KIAA0513: variants seen among roughly 807,000 people sequenced by gnomAD.
KIAA0513 encodes the protein uncharacterized protein KIAA0513.
KIAA0513 carries 39 observed loss-of-function variants against 56.5 expected under a neutral mutation model. The observed-to-expected ratio is 0.69, with a 90% CI of 0.53 to 0.90. KIAA0513 has a LOEUF of 0.90. KIAA0513 is among the 40% of genes least tolerant of loss of function. KIAA0513 has a pLI of 0.00. For synonymous variants in KIAA0513, 268 were observed against 215.6 expected (o/e 1.24, Z -2.13); for missense variants, 591 against 535.2 (o/e 1.10, Z -1.03).
intron 7 of KIAA0513, 71 bp downstream of exon 7, chr16:85,078,526 C>T (rs1056748419): frequency 2.2e-5 from 32 of 1,476,458 alleles, no homozygotes; most frequent in African/African-American, 1.4e-4. Context: ...AGCAGGTGCA[C>T]GGCCTCTGGG....
intron 1 of KIAA0513, among the ~76,000 whole-genome samples, chr16:85,047,160 C>T (rs2073182527): frequency 6.6e-6 from 1 of 152,212 alleles, no homozygotes; most frequent in Non-Finnish European, 1.5e-5. Flanking sequence ...TGCCGTTTTC[C>T]AAGCCTTTGT....
chr16:85,056,311 C>G (rs943619766), intron 1 of KIAA0513, among the ~76,000 whole-genome samples: 5 of 152,218 alleles, frequency 3.3e-5, no homozygotes, highest in Admixed American at 1.3e-4. Flanking sequence ...TCCGAGGCCC[C>G]CTCTCAACAC....
At chr16:85,083,265 A>G (rs566346994) in intron 10 of KIAA0513, among the ~76,000 whole-genome samples, 24 of 152,222 alleles carry the variant, frequency 1.6e-4, no homozygotes, top group African/African-American at 5.8e-4. Flanking sequence ...GTGGGCTCGA[A>G]TCCTTTGTGA....
intron 5 of KIAA0513, 52 bp from the exon 6 acceptor site, chr16:85,077,373 A>C (rs1191317853): frequency 6.4e-6 from 10 of 1,556,986 alleles, no homozygotes; most frequent in Non-Finnish European, 7.0e-6. Context: ...TGCAGTTAGC[A>C]GGCGCATACC....
intron 1 of KIAA0513, among the ~76,000 whole-genome samples, chr16:85,059,079 A>G (rs41337248): frequency 3.9e-5 from 6 of 152,124 alleles, no homozygotes; most frequent in Non-Finnish European, 7.3e-5. Context: ...AGGACATTGA[A>G]ATTTCCTGTG....
intron 1 of KIAA0513, among the ~76,000 whole-genome samples, chr16:85,045,117 C>G (rs1404727770): frequency 2.0e-5 from 3 of 150,812 alleles, no homozygotes; most frequent in Non-Finnish European, 4.4e-5. Context: ...GACTCCGTCT[C>G]TAAATAAATA....
chr16:85,042,414 C>T (rs932097932), intron 1 of KIAA0513, among the ~76,000 whole-genome samples: 6 of 152,114 alleles, frequency 3.9e-5, no homozygotes, highest in Non-Finnish European at 7.3e-5. Flanking sequence ...CTTATTCATC[C>T]CCCAGATGAG....
rs761840524 is a variant in KIAA0513 at position 85,081,304 on chromosome 16, C to G, written c.903-11C>G. The G allele has an allele frequency of 3.1e-6, 5 of 1,613,222 alleles. No homozygotes were observed. Among genetic ancestry groups the G allele is most frequent in the Admixed American group, 1.7e-5 (1 of 59,960 alleles). On this transcript the variant is annotated splice_polypyrimidine_tract_variant and intron_variant, in intron 8 of 12. Coordinates refer to ENST00000683363, the MANE Select transcript of KIAA0513 (RefSeq NM_001388359.1). The surrounding 1 kb of genome is among the most constrained non-coding windows in gnomAD (Gnocchi z 4.4). ...CCTTGGAGAGAGTGTGACTGGGGCT[C>G]TGTCTTGCAGGCACACTCTGAGGTT...
At chr16:85,068,551 C>G (rs2073524312) in intron 2 of KIAA0513, among the ~76,000 whole-genome samples, 1 of 152,036 alleles carries the variant, frequency 6.6e-6, no homozygotes, top group African/African-American at 2.4e-5. Flanking sequence ...CCAGGATGGT[C>G]TCGATCTCCT....
At chr16:85,058,499 A>T (rs926228302) in intron 1 of KIAA0513, among the ~76,000 whole-genome samples, 3 of 152,126 alleles carry the variant, frequency 2.0e-5, no homozygotes, top group African/African-American at 7.2e-5. Flanking sequence ...CTAAAAGTAC[A>T]AAATTAGCCG....
intron 10 of KIAA0513, 146 bp from the exon 11 acceptor site, chr16:85,086,498 G>C (rs967934237): frequency 1.3e-6 from 1 of 743,666 alleles, no homozygotes; most frequent in African/African-American, 1.7e-5. Context: ...CCCAGCACAC[G>C]GCTCTCCGGT....
At chr16:85,059,885 A>G (rs989407481) in intron 1 of KIAA0513, among the ~76,000 whole-genome samples, 2 of 152,166 alleles carry the variant, frequency 1.3e-5, no homozygotes, top group African/African-American at 4.8e-5. Context: ...GAAAAGAGCA[A>G]TTCTCCTTCA....
intron 1 of KIAA0513, among the ~76,000 whole-genome samples, chr16:85,046,316 C>G (rs537672705): frequency 2.0e-5 from 3 of 152,310 alleles, no homozygotes; most frequent in Admixed American, 1.3e-4. Context: ...GGAGTGCTTT[C>G]TACATGCCCA....
At chr16:85,045,600 C>A (rs1216861315) in intron 1 of KIAA0513, among the ~76,000 whole-genome samples, 1 of 152,216 alleles carries the variant, frequency 6.6e-6, no homozygotes, top group Non-Finnish European at 1.5e-5. Flanking sequence ...AAATGATCCA[C>A]CTGCCTCGGC....
intron 6 of KIAA0513, 147 bp downstream of exon 6, chr16:85,077,779 C>G (rs1452129881): frequency 9.1e-6 from 6 of 658,916 alleles, no homozygotes; most frequent in Non-Finnish European, 1.3e-5. Flanking sequence ...GCCCCCACGG[C>G]TTGCTATGGT....
Position 85,066,887 on chromosome 16 carries a change from G to C in KIAA0513, c.-172-13G>C. ...GAGTGGCGCTAATGTCTGTGTCTGT[G>C]TTTCCATTCTAGATGCCGTAGGGCC... On this transcript the variant is annotated splice_polypyrimidine_tract_variant and intron_variant, in intron 1 of 12. Coordinates refer to ENST00000683363, the MANE Select transcript of KIAA0513 (RefSeq NM_001388359.1). 1.9e-6 allele frequency: 1 copy of C among 527,910 alleles called. No individual in the cohort carries two copies. The highest frequency in any genetic ancestry group is 3.3e-6 in the Non-Finnish European group (1 of 299,308). The allele number at this position is 527,910 out of a possible 1,614,324, so 32.7% of individuals were successfully genotyped here. A position where few individuals can be genotyped will look rare whatever the true frequency, so the allele number is the denominator to read the frequency against.
In KIAA0513 at chr16:85,081,292, G is replaced by A. The variant is rs762897017; in HGVS notation, c.903-23G>A. The A allele has an allele frequency of 6.5e-5, 105 of 1,612,472 alleles. No individual in the cohort carries two copies. The highest frequency in any genetic ancestry group is 8.1e-5 in the Non-Finnish European group (96 of 1,179,048). On this transcript the variant is annotated intron_variant, in intron 8 of 12. Transcript: ENST00000683363. This position sits in a 1 kb window ranked among gnomAD's most constrained non-coding sequence, Gnocchi z 4.4. ...CTCCCCGCCTCCCCTTGGAGAGAGTGTGACTGGGGCTCTGTCTTGCAGGCA... is the reference window on the plus strand; with the variant it reads ...CTCCCCGCCTCCCCTTGGAGAGAGTATGACTGGGGCTCTGTCTTGCAGGCA...
chr16:85,034,198 G>T (rs754002018), intron 1 of KIAA0513, among the ~76,000 whole-genome samples: 21 of 152,058 alleles, frequency 1.4e-4, no homozygotes, highest in Non-Finnish European at 3.1e-4. Context: ...GGCCAACATG[G>T]TGAAAACCTC....
chr16:85,055,631 AGTGTC>A (rs2073317678), intron 1 of KIAA0513, among the ~76,000 whole-genome samples: 1 of 152,126 alleles, frequency 6.6e-6, no homozygotes, highest in African/African-American at 2.4e-5. Flanking sequence ...GTGCTTGCAG[AGTGTC>A]GTGTTGGTAG....
Sources: gnomAD v4.1 joint callset for allele counts (sites outside exome capture counted in the v4.1 genomes callset) on GRCh38, gnomAD v4.1.1 for gene constraint, Gnocchi (gnomAD v3.1) non-coding constraint, MANE v1.5 for transcripts, NCBI Gene and HGNC (gene_info 2026-07-23, HGNC 2026-07-21) for gene names.